The following CHP1 variants were observed in gnomAD, a reference collection of about 807,000 sequenced individuals.
CHP1 encodes the protein calcineurin like EF-hand protein 1.
In CHP1, 11 loss-of-function variants were observed where a neutral mutation model predicts 27.4. The ratio of observed to expected loss-of-function variants is 0.40; its 90% CI spans 0.25 to 0.67. The LOEUF (loss-of-function observed/expected upper bound fraction) is 0.67, where lower values mean the gene tolerates loss of function less well. Ranked by LOEUF, CHP1 falls within the 30% of genes least tolerant of loss-of-function variation. The probability of loss-of-function intolerance (pLI) is 0.38; values close to 1 mark genes in which losing one functional copy is unlikely to be tolerated. For missense variants in CHP1, 169 were observed against 251.3 expected (o/e 0.67, Z 2.22); for synonymous variants, 89 against 87.4 (o/e 1.02, Z -0.10).
intron 2 of CHP1, among the ~76,000 whole-genome samples, chr15:41,249,516 A>G (rs1441825966): frequency 8.5e-6 from 1 of 118,330 alleles, no homozygotes; most frequent in Non-Finnish European, 1.6e-5. Flanking sequence ...TCTGTCGTCC[A>G]GGCTGGAGTG....
At chr15:41,271,751 A>G (rs2047490791) in intron 5 of CHP1, among the ~76,000 whole-genome samples, 1 of 152,322 alleles carries the variant, frequency 6.6e-6, no homozygotes, top group Admixed American at 6.5e-5. Flanking sequence ...GGAGCAACCC[A>G]ACGTATTCTT....
chr15:41,263,527 T>C (rs1013423574), intron 4 of CHP1, among the ~76,000 whole-genome samples: 1 of 152,168 alleles, frequency 6.6e-6, no homozygotes, highest in African/African-American at 2.4e-5. Context: ...CTCCAGGAAA[T>C]TGAAATTAAA....
rs781223077 is a variant in CHP1, at chr15:41,279,365, A to G, written c.564A>G (p.Lys188=). Residue 188 remains lysine, a synonymous_variant, in exon 7 of 7, where the codon AAA becomes AAG. Coordinates refer to ENST00000334660, the MANE Select transcript of CHP1 (RefSeq NM_007236.5). ...KVLEKVDVEQ[K]MSIRFLH is the part of the protein sequence containing the mutation. ...TGGAGAAGGTGGATGTAGAACAGAA[A>G]ATGAGCATCCGATTTCTTCACTAAA... is the stretch of plus-strand genomic sequence containing the variant. The G allele has an allele frequency of 6.2e-7, 1 of 1,613,546 alleles. No individual in the cohort carries two copies. The highest frequency in any genetic ancestry group is 8.5e-7 in the Non-Finnish European group (1 of 1,179,954).
intron 4 of CHP1, chr15:41,264,201 C>T (rs1295247254): frequency 4.7e-6 from 6 of 1,286,512 alleles, no homozygotes; most frequent in South Asian, 2.5e-5. Context: ...GAGATCGAGA[C>T]TGAAATTGAG....
intron 1 of CHP1, among the ~76,000 whole-genome samples, chr15:41,239,574 T>G (rs994509718): frequency 6.6e-6 from 1 of 151,414 alleles, no homozygotes; most frequent in Non-Finnish European, 1.5e-5. Context: ...TTTTGTATTT[T>G]TAGTAGAGAC....
At chr15:41,237,500 T>C (rs2047283421) in intron 1 of CHP1, among the ~76,000 whole-genome samples, 1 of 152,150 alleles carries the variant, frequency 6.6e-6, no homozygotes, top group Non-Finnish European at 1.5e-5. Flanking sequence ...ATAGATTTTG[T>C]TTGTTTTATA....
At chr15:41,256,406 A>C (rs1595477106) in intron 2 of CHP1, among the ~76,000 whole-genome samples, 1 of 152,194 alleles carries the variant, frequency 6.6e-6, no homozygotes, top group Non-Finnish European at 1.5e-5. Flanking sequence ...CAAGGAAATC[A>C]ATTGGTTGTC....
chr15:41,259,932 G>A (rs1346286202), intron 3 of CHP1, among the ~76,000 whole-genome samples: 2 of 152,090 alleles, frequency 1.3e-5, no homozygotes, highest in East Asian at 1.9e-4. Flanking sequence ...GTTTCACCAC[G>A]TTGGCCAGGC....
intron 2 of CHP1, among the ~76,000 whole-genome samples, chr15:41,245,444 G>A (rs1278139095): frequency 6.6e-6 from 1 of 152,216 alleles, no homozygotes; most frequent in African/African-American, 2.4e-5. Context: ...TTGTGCTGCT[G>A]TATTCCAGCC....
intron 1 of CHP1, among the ~76,000 whole-genome samples, chr15:41,233,321 G>A (rs1305702965): frequency 6.6e-6 from 1 of 152,166 alleles, no homozygotes. Context: ...AAACCATAGT[G>A]AAGATGCAAA....
intron 2 of CHP1, among the ~76,000 whole-genome samples, chr15:41,250,838 T>TC (rs1407742995): frequency 3.3e-4 from 50 of 150,362 alleles, no homozygotes; most frequent in Non-Finnish European, 4.0e-4. Flanking sequence ...TTTCTTTCTT[T>TC]TTTTTTTTTT....
intron 5 of CHP1, among the ~76,000 whole-genome samples, chr15:41,274,334 G>A (rs2047508011): frequency 6.6e-6 from 1 of 152,126 alleles, no homozygotes; most frequent in African/African-American, 2.4e-5. Flanking sequence ...TGGAGGCCTG[G>A]GCAGATAGCT....
Position 41,262,805 on chromosome 15 carries a change from C to T in CHP1, c.271C>T (p.Arg91Cys). Residue 91 changes from arginine to cysteine, a missense_variant, in exon 4 of 7, where the codon CGC becomes TGC. Coordinates refer to ENST00000334660, the MANE Select transcript of CHP1 (RefSeq NM_007236.5). ...RGFMRTLAHF[R>C]PIEDNEKSKD... ...ATTCATGCGAACTTTGGCTCATTTC[C>T]GCCCCATTGAGGATAATGAAAAGAG... 4 of 1,613,698 alleles carry T rather than the reference C, an allele frequency of 2.5e-6. No individual in the cohort carries two copies. Among genetic ancestry groups the T allele is most frequent in the South Asian group, 1.1e-5 (1 of 91,068 alleles).
chr15:41,258,491 T>C (rs2047414222), intron 3 of CHP1, among the ~76,000 whole-genome samples: 1 of 152,234 alleles, frequency 6.6e-6, no homozygotes, highest in South Asian at 2.1e-4. Context: ...AGTTGTCATG[T>C]CTCTTTAGCC....
chr15:41,243,999 A>G (rs2047320515), intron 2 of CHP1, among the ~76,000 whole-genome samples: 1 of 152,138 alleles, frequency 6.6e-6, no homozygotes, highest in South Asian at 2.1e-4. Flanking sequence ...GGAGGTCCAG[A>G]CCAGCCTGAC....
intron 3 of CHP1, among the ~76,000 whole-genome samples, chr15:41,262,173 A>T (rs1444051480): frequency 6.6e-6 from 1 of 152,072 alleles, no homozygotes; most frequent in Non-Finnish European, 1.5e-5. Context: ...AAAATAAATA[A>T]ATAAAGCAAG....
At chr15:41,240,731 CAAG>C (rs1189898148) in intron 1 of CHP1, among the ~76,000 whole-genome samples, 1 of 92,804 alleles carries the variant, frequency 1.1e-5, no homozygotes, top group Non-Finnish European at 2.1e-5. Context: ...CCAGCCTGGG[CAAG>C]AAGAGCGAAA....
chr15:41,274,445 C>T (rs1295763303), intron 5 of CHP1, among the ~76,000 whole-genome samples: 1 of 152,052 alleles, frequency 6.6e-6, no homozygotes, highest in Non-Finnish European at 1.5e-5. Flanking sequence ...TTTTTTGAGA[C>T]AGTCTCACTA....
At chr15:41,253,130 G>A (rs1050921656) in intron 2 of CHP1, among the ~76,000 whole-genome samples, 5 of 151,496 alleles carry the variant, frequency 3.3e-5, no homozygotes, top group Non-Finnish European at 7.4e-5. Flanking sequence ...GTAGAGACGG[G>A]GTTTCACCAT....
Sources: allele counts gnomAD v4.1 joint callset (sites outside exome capture counted in the v4.1 genomes callset), GRCh38; gene constraint gnomAD v4.1.1; transcripts MANE v1.5; gene names NCBI Gene and HGNC (gene_info 2026-07-23, HGNC 2026-07-21).